Variants in THSD7A observed in about 807,000 individuals in gnomAD.
THSD7A encodes thrombospondin type-1 domain-containing protein 7A.
THSD7A carries 96 observed loss-of-function variants against 231.3 expected under a neutral mutation model. The ratio of observed to expected loss-of-function variants is 0.41; its 90% confidence interval spans 0.35 to 0.49. The LOEUF (loss-of-function observed/expected upper bound fraction) is 0.49, where lower values mean the gene tolerates loss of function less well. Ranked by LOEUF, THSD7A falls within the 20% of genes least tolerant of loss-of-function variation. The pLI, the probability that THSD7A is intolerant of heterozygous loss-of-function variation, is 0.05. For missense variants in THSD7A, 2,290 were observed against 2,070.2 expected, an observed-to-expected ratio of 1.11 and a Z score of -2.06; for synonymous variants, 940 against 743.3, an observed-to-expected ratio of 1.26 and a Z score of -4.30.
chr7:11,535,293 T>C (rs769735449), intron 6 of THSD7A, among the ~76,000 whole-genome samples: 3 of 152,112 alleles, frequency 2.0e-5, no homozygotes, highest in Non-Finnish European at 2.9e-5. Context: ...TATTTTTTAC[T>C]AAGATATCCA....
intron 1 of THSD7A, among the ~76,000 whole-genome samples, chr7:11,678,790 T>C (rs1390953483): frequency 6.6e-6 from 1 of 152,142 alleles, no homozygotes; most frequent in African/African-American, 2.4e-5. Flanking sequence ...CTGGTACCAT[T>C]CCTCCTGAAA....
At chr7:11,664,109 T>C (rs1783031815) in intron 1 of THSD7A, among the ~76,000 whole-genome samples, 1 of 151,714 alleles carries the variant, frequency 6.6e-6, no homozygotes, top group Non-Finnish European at 1.5e-5. Context: ...CTCTTTTTAT[T>C]ATATTGATAT....
At chr7:11,589,051 G>A (rs1409669797) in intron 4 of THSD7A, among the ~76,000 whole-genome samples, 1 of 152,124 alleles carries the variant, frequency 6.6e-6, no homozygotes, top group Non-Finnish European at 1.5e-5. Context: ...TTTGGGAGGG[G>A]CAGAGAAGCC....
rs1423063846 is a variant in THSD7A at position 11,411,492 on chromosome 7, C to CAA, written c.3683-172_3683-171dup. ...TCCCAGCTTTGAACGTATCAGGAGT[C>CAA]AAATGGAATTGCTGGGGTTGCACAT... is the stretch of plus-strand genomic sequence containing the variant. On this transcript the variant is annotated intron_variant, in intron 18 of 27. Transcript: ENST00000423059. The surrounding 1 kb of genome is among the most constrained non-coding windows in gnomAD (Gnocchi z 4.1). 6.6e-6 allele frequency among the ~76,000 whole-genome samples: 1 copy of CAA among 152,144 alleles called. No homozygotes were observed. Among genetic ancestry groups the CAA allele is most frequent in the Non-Finnish European group, 1.5e-5 (1 of 68,028 alleles).
intron 1 of THSD7A, among the ~76,000 whole-genome samples, chr7:11,664,781 T>C (rs917463412): frequency 6.6e-6 from 1 of 152,032 alleles, no homozygotes; most frequent in Admixed American, 6.6e-5. Context: ...CACCATTTAC[T>C]GAGACCCCAG....
chr7:11,698,753 G>C (rs2128143961), intron 1 of THSD7A, among the ~76,000 whole-genome samples: 1 of 151,414 alleles, frequency 6.6e-6, no homozygotes, highest in South Asian at 2.1e-4. Flanking sequence ...AGGAAGTACA[G>C]AGATTAGGGA....
At chr7:11,663,715 A>G (rs2128374449) in intron 1 of THSD7A, among the ~76,000 whole-genome samples, 1 of 151,770 alleles carries the variant, frequency 6.6e-6, no homozygotes, top group Admixed American at 6.6e-5. Flanking sequence ...AGCTTTCTCA[A>G]AGAATGCAAG....
At chr7:11,583,909 C>G (rs1413579192) in intron 4 of THSD7A, among the ~76,000 whole-genome samples, 1 of 152,098 alleles carries the variant, frequency 6.6e-6, no homozygotes, top group African/African-American at 2.4e-5. Flanking sequence ...AATTGGAATT[C>G]TTAGTGAGTC....
intron 16 of THSD7A, among the ~76,000 whole-genome samples, chr7:11,420,615 C>T (rs954773061): frequency 2.0e-5 from 3 of 152,190 alleles, no homozygotes; most frequent in African/African-American, 7.2e-5. Context: ...GTTGGGCCCC[C>T]CCACACAGAG....
intron 1 of THSD7A, chr7:11,820,385 T>A: frequency 7.7e-7 from 1 of 1,291,938 alleles, no homozygotes; most frequent in South Asian, 1.7e-5. Flanking sequence ...TCGTCTTCAA[T>A]CTCCCATTCC....
intron 1 of THSD7A, among the ~76,000 whole-genome samples, chr7:11,737,816 T>C (rs1386853736): frequency 1.3e-5 from 2 of 151,988 alleles, no homozygotes; most frequent in Admixed American, 6.6e-5. Context: ...TCAAGTTCTA[T>C]AGAGTAGAAA....
chr7:11,737,127 G>A (rs1056823840), intron 1 of THSD7A, among the ~76,000 whole-genome samples: 8 of 151,986 alleles, frequency 5.3e-5, no homozygotes, highest in Non-Finnish European at 1.0e-4. Flanking sequence ...TCAGTCTTGG[G>A]TATGTCATTA....
chr7:11,487,912 C>T (rs978161456), intron 6 of THSD7A, among the ~76,000 whole-genome samples: 3 of 151,624 alleles, frequency 2.0e-5, no homozygotes, highest in African/African-American at 4.8e-5. Flanking sequence ...ATTCTCTAAA[C>T]GCCTCTTGAG....
At chr7:11,691,663 T>C (rs1349250882) in intron 1 of THSD7A, among the ~76,000 whole-genome samples, 1 of 151,438 alleles carries the variant, frequency 6.6e-6, no homozygotes, top group Admixed American at 6.6e-5. Context: ...ATCTATAATA[T>C]TCTATGTAAA....
chr7:11,654,503 TC>T, intron 1 of THSD7A, among the ~76,000 whole-genome samples: 1 of 152,054 alleles, frequency 6.6e-6, no homozygotes, highest in Non-Finnish European at 1.5e-5. Flanking sequence ...AAGCAATAGA[TC>T]TTATTCAAAA....
chr7:11,406,470 G>C lies in THSD7A; in HGVS notation c.4067C>G (p.Ala1356Gly). 1 of 1,606,648 alleles carries C rather than the reference G, an allele frequency of 6.2e-7. No homozygotes were observed. The highest frequency in any genetic ancestry group is 8.5e-7 in the Non-Finnish European group (1 of 1,177,638). The change falls in exon 22 of 28, where the codon GCC becomes GGC. Residue 1356 changes from alanine (A) to glycine (G), a missense_variant. Coordinates refer to ENST00000423059, the MANE Select transcript of THSD7A (RefSeq NM_015204.3). The surrounding 1 kb of genome is among the most constrained non-coding windows in gnomAD (Gnocchi z 4.7). ...GQWSPCQVQE[A>G]QCGEGTRTRN... ...TGTTCTGGTCCCTTCTCCACACTGG[G>C]CCTCCTGGAATGGAGGAAGAAATAA...
In THSD7A at chr7:11,538,381, C is replaced by A. The variant is rs575346658; in HGVS notation, c.1822+3038G>T. Among the ~76,000 whole-genome samples the A allele has an allele frequency of 1.7e-3, 261 of 151,936 alleles. 4 individuals are homozygous for A. The highest frequency in any genetic ancestry group is 6.1e-3 in the African/African-American group (253 of 41,428). ...GGCAGAGGAGAAGGAAATATGGAAA[C>A]AATATTTGATTTACACTCTCAAGTA... On this transcript the variant is annotated intron_variant, in intron 6 of 27. Coordinates refer to ENST00000423059, the MANE Select transcript of THSD7A (RefSeq NM_015204.3).
chr7:11,480,348 GA>G (rs1282667216), intron 7 of THSD7A, among the ~76,000 whole-genome samples: 7 of 152,096 alleles, frequency 4.6e-5, no homozygotes, highest in Non-Finnish European at 1.0e-4. Flanking sequence ...GGGGTGGGGT[GA>G]AAAGTCATTC....
chr7:11,659,746 G>A (rs79616805), intron 1 of THSD7A, among the ~76,000 whole-genome samples: 9,395 of 151,460 alleles, frequency 0.062, 326 homozygotes, highest in East Asian at 0.13. Context: ...AAAATGTCCA[G>A]CTGCTTAATT....
Sources: allele counts gnomAD v4.1 joint callset (sites outside exome capture counted in the v4.1 genomes callset), GRCh38; gene constraint gnomAD v4.1.1; non-coding constraint Gnocchi (gnomAD v3.1); transcripts MANE v1.5; gene names NCBI Gene and HGNC (gene_info 2026-07-23, HGNC 2026-07-21).